TNNT1: variants seen among roughly 807,000 people sequenced by gnomAD.
TNNT1 encodes the protein troponin T, slow skeletal muscle.
In TNNT1, 53 loss-of-function variants were observed where a neutral mutation model predicts 50.6. The observed-to-expected ratio is 1.05, with a 90% CI of 0.84 to 1.32. The LOEUF is 1.32. Ranked by LOEUF, TNNT1 falls within the 40% of genes most tolerant of loss-of-function variation. The pLI is 0.00. For missense variants in TNNT1, 348 were observed against 381.7 expected, an observed-to-expected ratio of 0.91 and a Z score of 0.74; for synonymous variants, 142 against 138.0, an observed-to-expected ratio of 1.03 and a Z score of -0.20.
At chr19:55,142,848 AT>A (rs966301217) in intron 6 of TNNT1, among the ~76,000 whole-genome samples, 2 of 147,038 alleles carry the variant, frequency 1.4e-5, no homozygotes, top group African/African-American at 5.0e-5. Flanking sequence ...GCGCCCAGCC[AT>A]TTTTAAATTT....
chr19:55,146,376 TC>T (rs2147266887), intron 5 of TNNT1, 57 bp downstream of exon 5: 3 of 1,287,178 alleles, frequency 2.3e-6, no homozygotes, highest in African/African-American at 3.2e-5. Flanking sequence ...CCCGAGGATA[TC>T]GGGGGTCCCC....
chr19:55,133,481 C>T (rs1002121131), intron 13 of TNNT1: 1 of 312,566 alleles, frequency 3.2e-6, no homozygotes, highest in South Asian at 3.1e-5. Context: ...AGTTCGAGAC[C>T]AGCCTGACCA....
At position 55,140,868 on chromosome 19, in the gene TNNT1, A is replaced by T. The variant is rs1164103842; in HGVS notation, c.387+15T>A. ...GAAGTAACATTTGGGCTCTCAGGGC[A>T]GGGGAGGCACCCACCGCCAGCTTAG... is the stretch of plus-strand genomic sequence containing the variant. On this transcript the variant is annotated intron_variant, in intron 9 of 13. Transcript: ENST00000588981. 1 of 1,611,666 alleles carries T rather than the reference A, an allele frequency of 6.2e-7. No individual in the cohort carries two copies. Among genetic ancestry groups the T allele is most frequent in the Non-Finnish European group, 8.5e-7 (1 of 1,178,722 alleles).
At chr19:55,142,895 G>A (rs1465287118) in intron 6 of TNNT1, among the ~76,000 whole-genome samples, 1 of 150,936 alleles carries the variant, frequency 6.6e-6, no homozygotes, top group Non-Finnish European at 1.5e-5. Context: ...TGGGCGCGGT[G>A]GCTCACGCCT....
At chr19:55,136,342 C>T (rs908310296) in intron 11 of TNNT1, among the ~76,000 whole-genome samples, 1 of 152,162 alleles carries the variant, frequency 6.6e-6, no homozygotes, top group African/African-American at 2.4e-5. Flanking sequence ...CCATCTTAGC[C>T]TCCCAAAGTG....
rs564902534 is a variant in TNNT1, at chr19:55,146,636, C to T, written c.73+45G>A. The T allele has an allele frequency of 1.1e-4, 121 of 1,100,882 alleles. No individual in the cohort carries two copies. The African/African-American group carries it at 1.2e-3, about 11-fold the overall frequency. The allele number at this position is 1,100,882 out of a possible 1,614,324, so 68.2% of individuals were successfully genotyped here. A position where few individuals can be genotyped will look rare whatever the true frequency, so the allele number is the denominator to read the frequency against. ...CCTCCTCCCGGGCCCAGCGTCCCCG[C>T]CCCCCCACCCCCCAGCTCCAGACCT... On this transcript the variant is annotated intron_variant, in intron 4 of 13. Coordinates refer to ENST00000588981, the MANE Select transcript of TNNT1 (RefSeq NM_003283.6).
intron 6 of TNNT1, among the ~76,000 whole-genome samples, chr19:55,143,580 G>A (rs941497623): frequency 2.0e-5 from 3 of 152,022 alleles, no homozygotes; most frequent in Admixed American, 6.6e-5. Context: ...TGGAAAAGTC[G>A]ATAAGCTCCA....
intron 6 of TNNT1, 158 bp downstream of exon 6, chr19:55,145,386 G>A (rs2085529726): frequency 2.9e-6 from 2 of 692,852 alleles, no homozygotes; most frequent in East Asian, 2.5e-5. Context: ...AGAGGAGGGA[G>A]GAGGGAAAGG....
Position 55,132,866 on chromosome 19 carries a change from G to C in TNNT1, c.*49C>G. On this transcript the variant is annotated 3_prime_UTR_variant, in exon 14 of 14. Coordinates refer to ENST00000588981, the MANE Select transcript of TNNT1 (RefSeq NM_003283.6). The stretch of plus-strand genomic sequence containing the variant: ...GAGCGTTTATTTCAAGCTACCGATG[G>C]GACAAACACTCCCAGGCTTCCCAGG... 6.4e-7 allele frequency: 1 copy of C among 1,563,740 alleles called. No individual in the cohort carries two copies. The highest frequency in any genetic ancestry group is 8.7e-7 in the Non-Finnish European group (1 of 1,149,888).
intron 5 of TNNT1, 91 bp downstream of exon 5, chr19:55,146,343 A>C: frequency 1.2e-6 from 1 of 862,732 alleles, no homozygotes; most frequent in South Asian, 3.0e-5. Context: ...GGAGGGAGGG[A>C]AGGGTGGTCT....
chr19:55,137,953 T>C lies in TNNT1; in HGVS notation c.501+8A>G. The C allele has an allele frequency of 1.2e-6, 2 of 1,614,176 alleles. No homozygotes were observed. The highest frequency in any genetic ancestry group is 1.7e-6 in the Non-Finnish European group (2 of 1,180,018). On this transcript the variant is annotated splice_region_variant and intron_variant, in intron 10 of 13. Coordinates refer to ENST00000588981, the MANE Select transcript of TNNT1 (RefSeq NM_003283.6). ...ACTCAGACCTCAGGCTCCTGCAGGCTGACTCACCTTGACCAGGTAGCCGCC... is the reference window on the plus strand; with the variant it reads ...ACTCAGACCTCAGGCTCCTGCAGGCCGACTCACCTTGACCAGGTAGCCGCC...
Position 55,137,951 on chromosome 19 carries a change from G to T in TNNT1, c.501+10C>A. ...GAACTCAGACCTCAGGCTCCTGCAG[G>T]CTGACTCACCTTGACCAGGTAGCCG... is the stretch of plus-strand genomic sequence containing the variant. On this transcript the variant is annotated intron_variant, in intron 10 of 13. Transcript: ENST00000588981. 6.2e-7 allele frequency: 1 copy of T among 1,614,134 alleles called. No individual in the cohort carries two copies. Among genetic ancestry groups the T allele is most frequent in the Non-Finnish European group, 8.5e-7 (1 of 1,180,004 alleles).
chr19:55,135,757 G>A (rs1468886775), intron 11 of TNNT1, among the ~76,000 whole-genome samples: 1 of 152,030 alleles, frequency 6.6e-6, no homozygotes, highest in African/African-American at 2.4e-5. Flanking sequence ...CTGACCTCAG[G>A]TGATCTGCCC....
intron 6 of TNNT1, among the ~76,000 whole-genome samples, chr19:55,143,962 A>G (rs972032058): frequency 2.0e-5 from 3 of 150,328 alleles, no homozygotes; most frequent in Non-Finnish European, 3.0e-5. Flanking sequence ...CAGCCCAGAG[A>G]CCCTTCGGGG....
rs2085384859 is a variant in TNNT1 at position 55,138,002 on chromosome 19, G to C, written c.460C>G (p.Leu154Val). Residue 154 changes from leucine (L) to valine (V), a missense_variant, in exon 10 of 14, where the codon CTG (leucine) becomes GTG (valine). By Grantham distance (32) the Leu-to-Val change is conservative. Transcript: ENST00000588981. ...AEDDAKKKKV[L>V]SNMGAHFGGY... ...CCAAAATGGGCCCCCATGTTGGACA[G>C]CACCTTCTTTTTCTTGGCATCATCC... 1.9e-6 allele frequency: 3 copies of C among 1,614,226 alleles called. No individual in the cohort carries two copies. Among genetic ancestry groups the C allele is most frequent in the Non-Finnish European group, 1.7e-6 (2 of 1,180,046 alleles).
At chr19:55,138,844 G>T (rs1159168448) in intron 9 of TNNT1, among the ~76,000 whole-genome samples, 1 of 152,206 alleles carries the variant, frequency 6.6e-6, no homozygotes, top group South Asian at 2.1e-4. Flanking sequence ...TGAGCCTGAG[G>T]AAGGGGTTCT....
intron 6 of TNNT1, chr19:55,142,152 GCT>G (rs1372624583): frequency 2.1e-6 from 1 of 473,542 alleles, no homozygotes; most frequent in South Asian, 2.1e-5. Flanking sequence ...ACGGAGTCTT[GCT>G]CTGTCACCCA....
chr19:55,132,812 C>T lies in TNNT1; in HGVS notation c.*103G>A, dbSNP rs558937668. ...ACCAGCTGCATCTCAACCATAATAA[C>T]ATCAGAGAACCCAGCGGGTGTCTGA... On this transcript the variant is annotated 3_prime_UTR_variant, in exon 14 of 14. Coordinates refer to ENST00000588981, the MANE Select transcript of TNNT1 (RefSeq NM_003283.6). The T allele has an allele frequency of 1.5e-5, 17 of 1,107,452 alleles. No individual in the cohort carries two copies. Among genetic ancestry groups the T allele is most frequent in the African/African-American group, 1.2e-4 (8 of 64,470 alleles). The allele number at this position is 1,107,452 out of a possible 1,614,324, so 68.6% of individuals were successfully genotyped here.
chr19:55,145,613 G>A lies in TNNT1; in HGVS notation c.107-48C>T, dbSNP rs199936167. The A allele has an allele frequency of 2.8e-4, 451 of 1,610,086 alleles. 6 individuals carry two copies. In the South Asian group the frequency reaches 4.4e-3, roughly 16 times the overall value. On this transcript the variant is annotated intron_variant, in intron 5 of 13. Coordinates refer to ENST00000588981, the MANE Select transcript of TNNT1 (RefSeq NM_003283.6). ...AGAGATAATTAGCAAGAGTTTAGAG[G>A]AGAGGGGCTAGGCCTGACACACCCT...
Sources: gnomAD v4.1 joint callset for allele counts (sites outside exome capture counted in the v4.1 genomes callset) on GRCh38, gnomAD v4.1.1 for gene constraint, MANE v1.5 for transcripts, NCBI Gene and HGNC (gene_info 2026-07-23, HGNC 2026-07-21) for gene names.